The following PCDHA6 variants were observed in gnomAD, a reference collection of about 807,000 sequenced individuals.
PCDHA6 encodes the protein protocadherin alpha 6, also known as protocadherin alpha-6.
PCDHA6 carries 55 observed loss-of-function variants against 60.3 expected under a neutral mutation model. The observed-to-expected ratio is 0.91, with a 90% CI of 0.73 to 1.14. PCDHA6 has a LOEUF of 1.14. Ranked by LOEUF, PCDHA6 falls within the 50% of genes most tolerant of loss-of-function variation. The pLI is 0.00. For synonymous variants in PCDHA6, 652 were observed against 557.9 expected, an observed-to-expected ratio of 1.17 and a Z score of -2.38; for missense variants, 1,327 against 1,256.5, an observed-to-expected ratio of 1.06 and a Z score of -0.85.
chr5:140,831,514 C>A (rs2150195382), intron 1 of PCDHA6, among the ~76,000 whole-genome samples: 1,950 of 132,850 alleles, frequency 0.015, 29 homozygotes, highest in African/African-American at 0.055. Flanking sequence ...CCACCATGCC[C>A]CCCACCTTTT....
rs555714516 is a variant in PCDHA6, at chr5:140,983,025, A to T, written c.2542+462A>T. Among the ~76,000 whole-genome samples the T allele has an allele frequency of 9.9e-5, 15 of 151,964 alleles. 1 individual carries two copies. The South Asian group carries it at 2.9e-3, about 29-fold the overall frequency. ...AAGAAAAAGGAAGGAAGGAAGGAAG[A>T]TGGTTTCTCATGGAAGTGGAAAATT... On this transcript the variant is annotated intron_variant, in intron 3 of 3. Coordinates refer to ENST00000529310, the MANE Select transcript of PCDHA6 (RefSeq NM_018909.4).
intron 1 of PCDHA6, among the ~76,000 whole-genome samples, chr5:140,942,607 A>G (rs529680459): frequency 1.7e-5 from 2 of 116,438 alleles, no homozygotes; most frequent in East Asian, 2.5e-4. Context: ...TAGTGTTTAT[A>G]TTTGCCAATT....
At chr5:140,951,948 A>G (rs2153694438) in intron 1 of PCDHA6, among the ~76,000 whole-genome samples, 1 of 152,322 alleles carries the variant, frequency 6.6e-6, no homozygotes, top group South Asian at 2.1e-4. Context: ...GTGCGGGTAC[A>G]GGCATTGGGT....
At chr5:140,994,515 C>T (rs1450335712) in intron 3 of PCDHA6, among the ~76,000 whole-genome samples, 1 of 150,120 alleles carries the variant, frequency 6.7e-6, no homozygotes, top group African/African-American at 2.5e-5. Flanking sequence ...ACAGCCTGGG[C>T]AACATGGCAA....
chr5:140,927,929 C>G (rs762916391), intron 1 of PCDHA6: 1 of 1,614,208 alleles, frequency 6.2e-7, no homozygotes, highest in Non-Finnish European at 8.5e-7. Flanking sequence ...CTGACTCTTT[C>G]GAACCCAGTA....
chr5:140,927,822 T>A (rs1554205109), intron 1 of PCDHA6: 1 of 1,614,152 alleles, frequency 6.2e-7, no homozygotes, highest in Admixed American at 1.7e-5. Context: ...AGGCATACAT[T>A]GAGGCGAGGG....
chr5:140,986,897 T>A (rs534075146), intron 3 of PCDHA6, among the ~76,000 whole-genome samples: 13 of 152,086 alleles, frequency 8.5e-5, no homozygotes, highest in Non-Finnish European at 1.9e-4. Flanking sequence ...TTAGGCCCTA[T>A]CCTAGACTAA....
At chr5:140,892,624 A>C (rs1041078923) in intron 1 of PCDHA6, among the ~76,000 whole-genome samples, 28 of 152,166 alleles carry the variant, frequency 1.8e-4, no homozygotes, top group Non-Finnish European at 3.2e-4. Flanking sequence ...CAGTTGGTAC[A>C]TAATAATTGT....
chr5:140,986,308 A>G (rs1399323765), intron 3 of PCDHA6, among the ~76,000 whole-genome samples: 1 of 152,162 alleles, frequency 6.6e-6, no homozygotes, highest in African/African-American at 2.4e-5. Context: ...AGAGAAAATT[A>G]GCTAAATCAG....
chr5:140,990,554 A>T (rs555586765), intron 3 of PCDHA6, among the ~76,000 whole-genome samples: 1 of 152,308 alleles, frequency 6.6e-6, no homozygotes, highest in East Asian at 1.9e-4. Context: ...GTATTACCCA[A>T]GAACACACAC....
intron 1 of PCDHA6, among the ~76,000 whole-genome samples, chr5:140,943,373 A>G (rs1554215633): frequency 6.6e-6 from 1 of 152,128 alleles, no homozygotes; most frequent in East Asian, 1.9e-4. Flanking sequence ...TCATTAAAAT[A>G]TACAGGTAAG....
chr5:140,993,267 T>C (rs1554253547), intron 3 of PCDHA6, among the ~76,000 whole-genome samples: 1 of 152,166 alleles, frequency 6.6e-6, no homozygotes, highest in Non-Finnish European at 1.5e-5. Context: ...ATTAGCTTCT[T>C]TGGTCTTTTC....
rs782469778 is a variant in PCDHA6 at position 140,882,968 on chromosome 5, G to A, written c.2394+52483G>A. The A allele has an allele frequency of 3.7e-6, 6 of 1,614,028 alleles. No homozygotes were observed. The African/African-American group carries it at 8.0e-5, about 22-fold the overall frequency. ...AGTTCAGCTGCTCATCACGATTCTGGACGTGAATGACAACGCCCCGGAATT... is the reference window on the plus strand; with the variant it reads ...AGTTCAGCTGCTCATCACGATTCTGAACGTGAATGACAACGCCCCGGAATT... On this transcript the variant is annotated intron_variant, in intron 1 of 3. Transcript: ENST00000529310.
At chr5:140,877,525 G>A (rs1562735759) in intron 1 of PCDHA6, 7 of 1,613,804 alleles carry the variant, frequency 4.3e-6, no homozygotes, top group Non-Finnish European at 5.9e-6. Flanking sequence ...GGCCTCAGTG[G>A]GCGCTGTGGA....
chr5:140,968,317 A>G (rs144335538), intron 1 of PCDHA6: 1 of 1,613,890 alleles, frequency 6.2e-7, no homozygotes, highest in African/African-American at 1.3e-5. Context: ...AAGGGCTGCC[A>G]GTCACCTCCT....
rs2150184954 is a variant in PCDHA6, at chr5:140,830,321, G to A, written c.2230G>A (p.Ala744Thr). Residue 744 changes from alanine to threonine, a missense_variant, in exon 1 of 4, where the codon GCA becomes ACA. Transcript: ENST00000529310. ...ADKPTLVCSS[A>T]VGSWSYSQQR... ...CAAGCCCACGCTGGTGTGCTCCAGC[G>A]CAGTGGGGAGCTGGTCGTACTCGCA... 6 of 1,613,998 alleles carry A rather than the reference G, an allele frequency of 3.7e-6. No homozygotes were observed. Among genetic ancestry groups the A allele is most frequent in the Admixed American group, 1.7e-5 (1 of 60,022 alleles).
At chr5:140,957,897 C>A (rs1563294637) in intron 1 of PCDHA6, among the ~76,000 whole-genome samples, 2 of 151,908 alleles carry the variant, frequency 1.3e-5, no homozygotes, top group East Asian at 3.9e-4. Context: ...TGGCATCAAC[C>A]AAGGCATATT....
chr5:140,937,567 G>A lies in PCDHA6; in HGVS notation c.2395-41382G>A, dbSNP rs1218260457. On this transcript the variant is annotated intron_variant, in intron 1 of 3. Transcript: ENST00000529310. ...GCGAGGCAGAGGTTGCAGTGAGCTG[G>A]GATCGCGTCACTGCACTCTAGCCTG... 1.9e-3 allele frequency among the ~76,000 whole-genome samples: 288 copies of A among 150,684 alleles called. 1 individual carries two copies. Among genetic ancestry groups the A allele is most frequent in the African/African-American group, 6.8e-3 (278 of 40,792 alleles).
In PCDHA6 at chr5:140,870,881, T is replaced by C. The variant is rs782030647; in HGVS notation, c.2394+40396T>C. 3.7e-6 allele frequency: 6 copies of C among 1,613,870 alleles called. No individual in the cohort carries two copies. The South Asian group carries it at 5.5e-5, about 15-fold the overall frequency. On this transcript the variant is annotated intron_variant, in intron 1 of 3. Transcript: ENST00000529310. ...GGTGCGGGCCACGTGGTGGCGAAGG[T>C]GCGCGCAGTGGATGCGGACTCAGGC...
Sources: allele counts gnomAD v4.1 joint callset (sites outside exome capture counted in the v4.1 genomes callset), GRCh38; gene constraint gnomAD v4.1.1; transcripts MANE v1.5; gene names NCBI Gene and HGNC (gene_info 2026-07-23, HGNC 2026-07-21).